PDE1C: variants seen among roughly 807,000 people sequenced by gnomAD.
PDE1C encodes the protein phosphodiesterase 1C.
Under a neutral mutation model 93.1 loss-of-function variants are expected in PDE1C, and 62 were observed. The ratio of observed to expected loss-of-function variants is 0.67; its 90% CI spans 0.54 to 0.82. PDE1C has a LOEUF of 0.82. Among genes scored for constraint, PDE1C ranks in the 40% least tolerant of loss-of-function variants. The pLI is 0.00. For missense variants in PDE1C, 742 were observed against 884.6 expected (o/e 0.84, Z 2.04); for synonymous variants, 325 against 310.1 (o/e 1.05, Z -0.50).
chr7:32,218,079 C>T (rs949861760), intron 1 of PDE1C, among the ~76,000 whole-genome samples: 1 of 152,206 alleles, frequency 6.6e-6, no homozygotes, highest in African/African-American at 2.4e-5. Context: ...CCACCAGCCT[C>T]ATTGCCATGA....
intron 3 of PDE1C, among the ~76,000 whole-genome samples, chr7:32,105,832 AT>A (rs1441807185): frequency 1.2e-4 from 18 of 151,016 alleles, no homozygotes; most frequent in Non-Finnish European, 2.1e-4. Flanking sequence ...GGTCTGGAAA[AT>A]TTTTTTCTTA....
chr7:31,625,323 A>ATG, the PDE1C span, among the ~76,000 whole-genome samples: 922 of 151,590 alleles, frequency 6.1e-3, 10 homozygotes, highest in African/African-American at 0.021. Context: ...ACATGCACTC[A>ATG]TATGTTTATT....
chr7:31,642,609 G>A, the PDE1C span: 2 of 1,379,538 alleles, frequency 1.4e-6, no homozygotes, highest in South Asian at 1.4e-5. Flanking sequence ...ATGACAAGAA[G>A]AAAATCTCAC....
At chr7:32,019,805 C>T (rs1452638158) in intron 2 of PDE1C, among the ~76,000 whole-genome samples, 5 of 152,050 alleles carry the variant, frequency 3.3e-5, no homozygotes, top group Non-Finnish European at 7.4e-5. Flanking sequence ...GATGATGGTG[C>T]CCTTCACTGA....
intron 2 of PDE1C, among the ~76,000 whole-genome samples, chr7:31,922,839 T>C (rs1735013122): frequency 6.6e-6 from 1 of 152,196 alleles, no homozygotes; most frequent in African/African-American, 2.4e-5. Flanking sequence ...AGTTTTATTT[T>C]TTTTAAAAAT....
Position 32,094,993 on chromosome 7 carries a change from T to C in PDE1C, c.308+74792A>G, listed in dbSNP as rs576230800. On this transcript the variant is annotated intron_variant, in intron 3 of 18. Transcript: ENST00000396193. ...TTGGAACACTCCTCCTTGTGCCCTCTCCCAGCCCCTGCTAAGATCTGCATA... is the reference window on the plus strand; with the variant it reads ...TTGGAACACTCCTCCTTGTGCCCTCCCCCAGCCCCTGCTAAGATCTGCATA... Among the ~76,000 whole-genome samples the C allele has an allele frequency of 2.6e-5, 4 of 152,278 alleles. No individual in the cohort carries two copies. The East Asian group carries it at 5.8e-4, about 22-fold the overall frequency.
intron 1 of PDE1C, among the ~76,000 whole-genome samples, chr7:32,377,764 G>A (rs147836532): frequency 0.023 from 3,469 of 151,770 alleles, 57 homozygotes; most frequent in Middle Eastern, 0.034. Context: ...GTGGAATTGG[G>A]ATTTAAATTC....
At chr7:31,708,713 T>C in the PDE1C span, among the ~76,000 whole-genome samples, 1 of 152,358 alleles carries the variant, frequency 6.6e-6, no homozygotes, top group Admixed American at 6.5e-5. Flanking sequence ...ATTAGAATCA[T>C]GGCAGCATCA....
chr7:32,303,665 C>T (rs1812930382), upstream of PDE1C, among the ~76,000 whole-genome samples: 1 of 152,140 alleles, frequency 6.6e-6, no homozygotes, highest in African/African-American at 2.4e-5. Context: ...TGCTTACATA[C>T]TTGAGGGCCC....
At chr7:32,065,046 G>A (rs1220929758) in intron 1 of PDE1C, among the ~76,000 whole-genome samples, 34 of 42,916 alleles carry the variant, frequency 7.9e-4, no homozygotes, top group Non-Finnish European at 1.5e-3. Context: ...CTGACGGAAC[G>A]GCGGTGGGGG....
chr7:32,173,976 A>C (rs960178589), intron 2 of PDE1C, among the ~76,000 whole-genome samples: 4 of 152,188 alleles, frequency 2.6e-5, no homozygotes, highest in African/African-American at 9.7e-5. Context: ...CTATCAAGAG[A>C]AAATTAAAGT....
chr7:31,875,334 G>A lies in PDE1C; in HGVS notation c.493-1926C>T, dbSNP rs184715397. 1.4e-3 allele frequency among the ~76,000 whole-genome samples: 209 copies of A among 152,244 alleles called. 2 individuals carry two copies. Among genetic ancestry groups the A allele is most frequent in the African/African-American group, 4.8e-3 (201 of 41,548 alleles). On this transcript the variant is annotated intron_variant, in intron 5 of 17. Coordinates refer to ENST00000396191, the MANE Select transcript of PDE1C (RefSeq NM_001191057.4). ...ATATCAGGACTTAGAGAACAAAGAG[G>A]ATGAGCAAATAGAGACAGTGAGACG... is the stretch of plus-strand genomic sequence containing the variant.
At chr7:31,746,876 A>G (rs1363418340), downstream of PDE1C, among the ~76,000 whole-genome samples, 1 of 152,154 alleles carries the variant, frequency 6.6e-6, no homozygotes, top group Non-Finnish European at 1.5e-5. Flanking sequence ...GGATTAACTG[A>G]TGAGAGGTGG....
the PDE1C span, among the ~76,000 whole-genome samples, chr7:31,678,923 T>C: frequency 2.0e-5 from 3 of 152,206 alleles, no homozygotes; most frequent in South Asian, 4.1e-4. Context: ...ATATGCAAAA[T>C]TGACCTCAAA....
the PDE1C span, among the ~76,000 whole-genome samples, chr7:31,733,456 C>T: frequency 1.3e-5 from 2 of 152,178 alleles, no homozygotes; most frequent in African/African-American, 4.8e-5. Context: ...AGAACAGCCA[C>T]TATGGCTCCC....
chr7:31,907,070 G>GGTGT (rs55999814), intron 2 of PDE1C, among the ~76,000 whole-genome samples: 174 of 145,224 alleles, frequency 1.2e-3, no homozygotes, highest in East Asian at 3.2e-3. Flanking sequence ...TGATATGTGG[G>GGTGT]GTGTGTGTGT....
chr7:32,078,729 A>G (rs1796491271), intron 3 of PDE1C, among the ~76,000 whole-genome samples: 1 of 152,142 alleles, frequency 6.6e-6, no homozygotes, highest in Non-Finnish European at 1.5e-5. Context: ...GTTGGAGATC[A>G]GCCTGGGCAA....
At chr7:32,210,150 C>T (rs184424060) in intron 1 of PDE1C, among the ~76,000 whole-genome samples, 3 of 152,292 alleles carry the variant, frequency 2.0e-5, no homozygotes, top group Non-Finnish European at 4.4e-5. Context: ...GAAAAGTCTC[C>T]ATATAACTTA....
intron 1 of PDE1C, among the ~76,000 whole-genome samples, chr7:32,270,147 A>AT (rs1810864694): frequency 6.6e-6 from 1 of 152,102 alleles, no homozygotes. Flanking sequence ...TTATAGTTCT[A>AT]TTTTACATGC....
Sources: allele counts gnomAD v4.1 joint callset (sites outside exome capture counted in the v4.1 genomes callset), GRCh38; gene constraint gnomAD v4.1.1; transcripts MANE v1.5; gene names NCBI Gene and HGNC (gene_info 2026-07-23, HGNC 2026-07-21).